Variants in BCR observed in about 807,000 individuals in gnomAD.
BCR encodes breakpoint cluster region protein.
A neutral mutation model predicts 138.6 loss-of-function variants in BCR; 58 were observed. The observed-to-expected ratio is 0.42, with a 90% confidence interval of 0.34 to 0.52. BCR has a LOEUF of 0.52. Ranked by LOEUF, BCR falls within the 20% of genes least tolerant of loss-of-function variation. The pLI is 0.06. For missense variants in BCR, 1,599 were observed against 1,727.2 expected, an observed-to-expected ratio of 0.93 and a Z score of 1.32; for synonymous variants, 786 against 730.1, an observed-to-expected ratio of 1.08 and a Z score of -1.23.
chr22:23,213,659 C>CA (rs1338869982), intron 1 of BCR, among the ~76,000 whole-genome samples: 7 of 151,764 alleles, frequency 4.6e-5, no homozygotes, highest in South Asian at 2.1e-4. Flanking sequence ...CTCGTCTCTC[C>CA]AAAAAAACGT....
At chr22:23,308,430 C>A (rs1913204513) in intron 16 of BCR, among the ~76,000 whole-genome samples, 1 of 152,194 alleles carries the variant, frequency 6.6e-6, no homozygotes, top group African/African-American at 2.4e-5. Flanking sequence ...CTCAGCCTCC[C>A]AAGTAGCTGG....
At chr22:23,266,150 T>C (rs924425231) in intron 4 of BCR, among the ~76,000 whole-genome samples, 43 of 152,288 alleles carry the variant, frequency 2.8e-4, no homozygotes, top group Non-Finnish European at 6.2e-4. Flanking sequence ...AGTGGTGCAG[T>C]CTTGTCTCAC....
chr22:23,268,824 T>G (rs2146284803), intron 5 of BCR, among the ~76,000 whole-genome samples: 1 of 152,324 alleles, frequency 6.6e-6, no homozygotes, highest in South Asian at 2.1e-4. Context: ...TGTGAGCAGC[T>G]CTCTCCACAA....
At chr22:23,268,561 C>A (rs1290021893) in intron 5 of BCR, 46 bp downstream of exon 5, 4 of 1,479,666 alleles carry the variant, frequency 2.7e-6, no homozygotes, top group Admixed American at 3.5e-5. Flanking sequence ...TGACTCCCAC[C>A]TGTACCCTCC....
chr22:23,304,203 G>A (rs1268880597), intron 16 of BCR, among the ~76,000 whole-genome samples: 3 of 147,066 alleles, frequency 2.0e-5, no homozygotes, highest in East Asian at 4.0e-4. Flanking sequence ...GCCTCCCAAA[G>A]TGCTGAGATT....
chr22:23,230,311 G>C (rs2072942415), intron 1 of BCR, among the ~76,000 whole-genome samples: 2 of 152,224 alleles, frequency 1.3e-5, no homozygotes, highest in Non-Finnish European at 2.9e-5. Flanking sequence ...GGAATTGGAA[G>C]TTCCAACTTC....
At position 23,240,302 on chromosome 22, in the gene BCR, CGTGTGTGTGTGTGT is replaced by C. The variant is rs200491524; in HGVS notation, c.1280-13468_1280-13455del. On this transcript the variant is annotated intron_variant, in intron 1 of 22. Transcript: ENST00000305877. ...TTTTAAATTTCAGAGCCTGGCTGATCGTGTGTGTGTGTGTGTGTGTGTGTGTGTGTGTGTGTGTG... is the reference window on the plus strand; with the variant it reads ...TTTTAAATTTCAGAGCCTGGCTGATCGTGTGTGTGTGTGTGTGTGTGTGTG... Among the ~76,000 whole-genome samples, 31 of 144,124 alleles carry C rather than the reference CGTGTGTGTGTGTGT, an allele frequency of 2.2e-4. No homozygotes were observed. In the Middle Eastern group the frequency reaches 0.01, roughly 49 times the overall value. 94.6% of individuals were successfully genotyped at this position (144,124 alleles called of 152,430 possible).
intron 1 of BCR, among the ~76,000 whole-genome samples, chr22:23,222,703 G>T (rs764067524): frequency 5.9e-5 from 9 of 152,190 alleles, no homozygotes; most frequent in Non-Finnish European, 1.2e-4. Flanking sequence ...GTCTGGGCCT[G>T]TGAAGCTGAG....
At chr22:23,226,327 AGTGTGT>A (rs751492915) in intron 1 of BCR, among the ~76,000 whole-genome samples, 3 of 46,072 alleles carry the variant, frequency 6.5e-5, no homozygotes, top group East Asian at 1.2e-3. Context: ...AGAGAGAGAG[AGTGTGT>A]GTGTGTGTGT....
At chr22:23,246,782 A>G (rs1156966509) in intron 1 of BCR, among the ~76,000 whole-genome samples, 2 of 152,224 alleles carry the variant, frequency 1.3e-5, no homozygotes, top group Admixed American at 1.3e-4. Flanking sequence ...TTTGCCCACT[A>G]CTTCAAAGAT....
rs1368381003 is a variant in BCR, at chr22:23,284,110, T to C, written c.2237+12T>C. 1.9e-6 allele frequency: 3 copies of C among 1,612,046 alleles called. No homozygotes were observed. Among genetic ancestry groups the C allele is most frequent in the South Asian group, 1.1e-5 (1 of 90,690 alleles). Reference sequence around the variant, plus strand: ...AAGCAGAGCGGAGGGTGAGTGACGATGTGGCCCCTGTCCCAGCAGTGACCC... The same window carrying C: ...AAGCAGAGCGGAGGGTGAGTGACGACGTGGCCCCTGTCCCAGCAGTGACCC... On this transcript the variant is annotated intron_variant, in intron 9 of 22. Coordinates refer to ENST00000305877, the MANE Select transcript of BCR (RefSeq NM_004327.4).
intron 5 of BCR, among the ~76,000 whole-genome samples, 178 bp from the exon 6 acceptor site, chr22:23,271,354 C>T (rs1397361734): frequency 6.6e-6 from 1 of 152,246 alleles, no homozygotes; most frequent in Admixed American, 6.5e-5. Flanking sequence ...TCCAGGGCAT[C>T]CTGCGTGCTC....
rs976345872 is a variant in BCR at position 23,297,233 on chromosome 22, T to A, written c.3012+2078T>A. On this transcript the variant is annotated intron_variant, in intron 16 of 22. Coordinates refer to ENST00000305877, the MANE Select transcript of BCR (RefSeq NM_004327.4). ...TTTTTTGTTTTTTGTTTTTTTTTTT[T>A]TTTTCGAGACAGAGTTTTGCTCTTG... is the stretch of plus-strand genomic sequence containing the variant. 3.2e-4 allele frequency among the ~76,000 whole-genome samples: 45 copies of A among 139,676 alleles called. 1 individual carries two copies. The highest frequency in any genetic ancestry group is 5.3e-4 in the Non-Finnish European group (35 of 65,466). 91.6% of individuals were successfully genotyped at this position (139,676 alleles called of 152,430 possible). A position where few individuals can be genotyped will look rare whatever the true frequency, so the allele number is the denominator to read the frequency against.
rs1374862865 is a variant in BCR at position 23,316,559 on chromosome 22, C to G, written c.*1037C>G. 35 of 185,414 alleles carry G rather than the reference C, an allele frequency of 1.9e-4. 1 individual carries two copies. The highest frequency in any genetic ancestry group is 9.2e-4 in the African/African-American group (33 of 35,698). The allele number at this position is 185,414 out of a possible 1,614,324, so 11.5% of individuals were successfully genotyped here. ...GTTTCTAATTTTTTTCCGAACAGATCCAGATACCTAATAAGATGCTGGAAT... is the reference window on the plus strand; with the variant it reads ...GTTTCTAATTTTTTTCCGAACAGATGCAGATACCTAATAAGATGCTGGAAT... On this transcript the variant is annotated 3_prime_UTR_variant, in exon 23 of 23. Coordinates refer to ENST00000305877, the MANE Select transcript of BCR (RefSeq NM_004327.4).
At chr22:23,209,320 A>G (rs1232800167) in intron 1 of BCR, among the ~76,000 whole-genome samples, 1 of 151,776 alleles carries the variant, frequency 6.6e-6, no homozygotes, top group Non-Finnish European at 1.5e-5. Context: ...AGATCACGCC[A>G]CTGCACTCCA....
At chr22:23,308,574 G>C (rs1602131088) in intron 16 of BCR, among the ~76,000 whole-genome samples, 1 of 152,142 alleles carries the variant, frequency 6.6e-6, no homozygotes, top group South Asian at 2.1e-4. Flanking sequence ...CAAAGTGCTG[G>C]GATTACAGGC....
chr22:23,218,426 G>A (rs1440861611), intron 1 of BCR, among the ~76,000 whole-genome samples: 4 of 152,226 alleles, frequency 2.6e-5, no homozygotes, highest in Admixed American at 1.3e-4. Context: ...TGTAAGGCAG[G>A]TAAAGCTGGT....
intron 5 of BCR, among the ~76,000 whole-genome samples, chr22:23,270,409 C>G (rs1324362719): frequency 6.6e-6 from 1 of 152,204 alleles, no homozygotes; most frequent in Non-Finnish European, 1.5e-5. Flanking sequence ...CCTGGAGCTC[C>G]TAGATAACTC....
intron 1 of BCR, among the ~76,000 whole-genome samples, chr22:23,230,019 T>C (rs2072937944): frequency 6.6e-6 from 1 of 151,432 alleles, no homozygotes. Flanking sequence ...TCCTGGGCTT[T>C]TGGTTAGAGA....
Sources: allele counts gnomAD v4.1 joint callset (sites outside exome capture counted in the v4.1 genomes callset), GRCh38; gene constraint gnomAD v4.1.1; transcripts MANE v1.5; gene names NCBI Gene and HGNC (gene_info 2026-07-23, HGNC 2026-07-21).